Variants in ALMS1 observed in about 807,000 individuals in gnomAD.
The protein encoded by ALMS1 is ALMS1 centrosome and basal body associated protein.
A neutral mutation model predicts 352.2 loss-of-function variants in ALMS1; 271 were observed. The observed-to-expected ratio is 0.77, with a 90% CI of 0.70 to 0.85. The LOEUF (loss-of-function observed/expected upper bound fraction) is 0.85, where lower values mean the gene tolerates loss of function less well. ALMS1 is among the 40% of genes least tolerant of loss of function. ALMS1 has a pLI of 0.00. For missense variants in ALMS1, 5,445 were observed against 4,870.7 expected (o/e 1.12, Z -3.51); for synonymous variants, 1,865 against 1,761.2 (o/e 1.06, Z -1.48).
intron 7 of ALMS1, among the ~76,000 whole-genome samples, chr2:73,437,778 C>T (rs1345254106): frequency 1.3e-5 from 2 of 152,144 alleles, no homozygotes; most frequent in African/African-American, 4.8e-5. Flanking sequence ...AAGGGCCTAA[C>T]CACAAGTTTA....
In ALMS1 at chr2:73,419,111, A is replaced by T. The variant is rs1274254541; in HGVS notation, c.451-12A>T. The T allele has an allele frequency of 6.2e-7, 1 of 1,610,400 alleles. No homozygotes were observed. Among genetic ancestry groups the T allele is most frequent in the South Asian group, 1.1e-5 (1 of 90,994 alleles). On this transcript the variant is annotated splice_polypyrimidine_tract_variant and intron_variant, in intron 2 of 22. Transcript: ENST00000613296. ...TAATGACTTAGCATGTTTTCCTTTA[A>T]CATTTTTCTAGAAAACAGAATCTTG...
intron 1 of ALMS1, among the ~76,000 whole-genome samples, chr2:73,407,513 A>G (rs1341883044): frequency 1.6e-4 from 24 of 152,196 alleles, no homozygotes; most frequent in Admixed American, 1.6e-3. Flanking sequence ...GAATTAAAAT[A>G]ATGTTTTTAT....
At chr2:73,521,580 CAAAAAAAA>C (rs565126393) in intron 11 of ALMS1, among the ~76,000 whole-genome samples, 1 of 94,902 alleles carries the variant, frequency 1.1e-5, no homozygotes, top group Non-Finnish European at 2.3e-5. Context: ...ACTAAAAATA[CAAAAAAAA>C]AAAAAAAAAA....
intron 10 of ALMS1, among the ~76,000 whole-genome samples, chr2:73,492,418 A>G (rs145408412): frequency 6.6e-6 from 1 of 152,318 alleles, no homozygotes; most frequent in African/African-American, 2.4e-5. Context: ...CTACTGGGAA[A>G]TCTTTTGTGC....
intron 3 of ALMS1, among the ~76,000 whole-genome samples, 161 bp from the exon 4 acceptor site, chr2:73,422,696 C>T (rs994623439): frequency 6.6e-6 from 1 of 152,134 alleles, no homozygotes; most frequent in Non-Finnish European, 1.5e-5. Context: ...GTCAGACTCT[C>T]AATAAATGGT....
In ALMS1 at chr2:73,422,993, A is replaced by G. The variant is rs1035974697; in HGVS notation, c.764+19A>G. On this transcript the variant is annotated intron_variant, in intron 4 of 22. Transcript: ENST00000613296. The stretch of plus-strand genomic sequence containing the variant: ...CTCTGAGGTAGGATGATTTATTTGC[A>G]TGTAACCTTTCTCACTTCTTGTTCT... The G allele has an allele frequency of 3.2e-6, 5 of 1,575,070 alleles. No individual in the cohort carries two copies. The African/African-American group carries it at 6.8e-5, about 21-fold the overall frequency.
intron 10 of ALMS1, among the ~76,000 whole-genome samples, chr2:73,513,225 T>A (rs556660314): frequency 1.3e-5 from 2 of 152,066 alleles, no homozygotes; most frequent in East Asian, 3.9e-4. Flanking sequence ...GCTAGACCAC[T>A]CCTCAACATG....
At position 73,448,574 on chromosome 2, in the gene ALMS1, T is replaced by G. The variant is rs747632477; in HGVS notation, c.2047T>G (p.Leu683Val). 1 of 1,613,872 alleles carries G rather than the reference T, an allele frequency of 6.2e-7. No individual in the cohort carries two copies. Among genetic ancestry groups the G allele is most frequent in the South Asian group, 1.1e-5 (1 of 91,080 alleles). ...CCTCCTCTTTTTCTATCGACAGACC[T>G]TGCCAGATGGTCATCTAACTGATCA... ...EDLLFFYRQTLPDGHLTDQAL... is the reference protein window; with the variant it reads ...EDLLFFYRQTVPDGHLTDQAL... Residue 683 changes from leucine to valine, a missense_variant, in exon 8 of 23, where the codon TTG becomes GTG. Coordinates refer to ENST00000613296, the MANE Select transcript of ALMS1 (RefSeq NM_001378454.1).
intron 15 of ALMS1, among the ~76,000 whole-genome samples, chr2:73,563,723 A>G (rs1006723808): frequency 1.1e-5 from 1 of 93,228 alleles, no homozygotes; most frequent in African/African-American, 8.6e-5. Flanking sequence ...ACTCCATCTC[A>G]AAAAAAAAAA....
At chr2:73,501,781 A>G (rs1673222831) in intron 10 of ALMS1, among the ~76,000 whole-genome samples, 1 of 151,996 alleles carries the variant, frequency 6.6e-6, no homozygotes, top group Non-Finnish European at 1.5e-5. Context: ...AGTCCTTTGC[A>G]TTTTCATACA....
chr2:73,525,258 A>G (rs1450526259), intron 11 of ALMS1, among the ~76,000 whole-genome samples: 1 of 152,232 alleles, frequency 6.6e-6, no homozygotes, highest in Admixed American at 6.5e-5. Flanking sequence ...TATCGCTGAC[A>G]TACTGACTTA....
intron 1 of ALMS1, among the ~76,000 whole-genome samples, chr2:73,397,045 TG>T (rs998173096): frequency 6.6e-6 from 1 of 152,114 alleles, no homozygotes. Context: ...TCCCCCTAAC[TG>T]GGGGGTAGGT....
intron 16 of ALMS1, among the ~76,000 whole-genome samples, chr2:73,581,861 C>G (rs1675187277): frequency 6.6e-6 from 1 of 151,966 alleles, no homozygotes. Flanking sequence ...TCTTCTGCCT[C>G]AGCCTACCGA....
chr2:73,559,205 G>T, intron 15 of ALMS1, 63 bp downstream of exon 15: 1 of 1,564,242 alleles, frequency 6.4e-7, no homozygotes, highest in African/African-American at 1.4e-5. Flanking sequence ...GTCAGTGTTA[G>T]TGTTTCCATT....
chr2:73,583,086 T>G (rs1471030880), intron 16 of ALMS1, among the ~76,000 whole-genome samples: 2 of 152,032 alleles, frequency 1.3e-5, no homozygotes, highest in African/African-American at 4.8e-5. Flanking sequence ...GAGGTAATAC[T>G]GTTTTGATTT....
chr2:73,460,908 T>C (rs1049161327), intron 9 of ALMS1, among the ~76,000 whole-genome samples: 7 of 152,192 alleles, frequency 4.6e-5, no homozygotes, highest in African/African-American at 1.7e-4. Flanking sequence ...CCTGCCATTG[T>C]GCAGGCTTGA....
intron 12 of ALMS1, among the ~76,000 whole-genome samples, chr2:73,536,196 C>T (rs573566472): frequency 1.3e-5 from 2 of 152,308 alleles, no homozygotes; most frequent in South Asian, 4.1e-4. Flanking sequence ...AATCTTCTGT[C>T]CCACTTACTC....
intron 1 of ALMS1, among the ~76,000 whole-genome samples, chr2:73,402,266 C>T (rs1416565581): frequency 1.4e-5 from 2 of 144,674 alleles, no homozygotes; most frequent in Non-Finnish European, 3.0e-5. Context: ...TTCTTTCTCT[C>T]TCTCTTTTTT....
Position 73,448,927 on chromosome 2 carries a change from G to A in ALMS1, c.2400G>A (p.Lys800=), listed in dbSNP as rs748416864. 1.9e-6 allele frequency: 3 copies of A among 1,614,144 alleles called. No homozygotes were observed. Among genetic ancestry groups the A allele is most frequent in the Non-Finnish European group, 1.7e-6 (2 of 1,179,988 alleles). Reference sequence around the variant, plus strand: ...CTGTTGCTGGACCAGCTGACCAGAAGACTGGCCTACCAACAGTACCCTCTA... The same window carrying A: ...CTGTTGCTGGACCAGCTGACCAGAAAACTGGCCTACCAACAGTACCCTCTA... ...VSAVAGPADQ[K]TGLPTVPSSA... The change falls in exon 8 of 23, where the codon AAG becomes AAA. Residue 800 remains lysine (K), a synonymous_variant. Coordinates refer to ENST00000613296, the MANE Select transcript of ALMS1 (RefSeq NM_001378454.1).
Sources: allele counts gnomAD v4.1 joint callset (sites outside exome capture counted in the v4.1 genomes callset), GRCh38; gene constraint gnomAD v4.1.1; transcripts MANE v1.5; gene names NCBI Gene and HGNC (gene_info 2026-07-23, HGNC 2026-07-21).